REEP1: variants seen among roughly 807,000 people sequenced by gnomAD.
REEP1 encodes receptor accessory protein 1, also known as receptor expression-enhancing protein 1.
In REEP1, 22 loss-of-function variants were observed where a neutral mutation model predicts 40.3. The observed-to-expected ratio is 0.55, with a 90% CI of 0.39 to 0.78. The LOEUF (loss-of-function observed/expected upper bound fraction) is 0.78, where lower values mean the gene tolerates loss of function less well. Among genes scored for constraint, REEP1 ranks in the 30% least tolerant of loss-of-function variants. The pLI is 0.00. For synonymous variants in REEP1, 116 were observed against 139.2 expected, an observed-to-expected ratio of 0.83 and a Z score of 1.17; for missense variants, 280 against 361.1, an observed-to-expected ratio of 0.78 and a Z score of 1.82.
intron 1 of REEP1, among the ~76,000 whole-genome samples, chr2:86,312,693 T>C (rs888109098): frequency 1.3e-5 from 2 of 152,222 alleles, no homozygotes; most frequent in Non-Finnish European, 2.9e-5. Context: ...CTCTGATTGC[T>C]TATCTGTAAA....
At chr2:86,318,378 T>C (rs1311614694) in intron 1 of REEP1, among the ~76,000 whole-genome samples, 1 of 145,308 alleles carries the variant, frequency 6.9e-6, no homozygotes, top group Non-Finnish European at 1.5e-5. Context: ...CTGGAAAAAG[T>C]AGTTTTCTTT....
At chr2:86,217,684 T>TTTTC (rs1553456158) in intron 8 of REEP1, among the ~76,000 whole-genome samples, 1 of 127,788 alleles carries the variant, frequency 7.8e-6, no homozygotes, top group South Asian at 2.6e-4. Flanking sequence ...TTTTTTTTTT[T>TTTTC]CAGATTTTGG....
intron 1 of REEP1, among the ~76,000 whole-genome samples, chr2:86,316,541 T>C (rs1159680233): frequency 1.1e-5 from 1 of 93,710 alleles, no homozygotes; most frequent in African/African-American, 5.0e-5. Flanking sequence ...AGAACGAAAC[T>C]CTGTCTCAAA....
At position 86,245,986 on chromosome 2, in the gene REEP1, G is replaced by T. The variant is rs559518734; in HGVS notation, c.417+5971C>A. ...TCACCATGTTAGCCAGGATGGTCTCGATCTCCTGACCTCGTGATCCGCCCG... is the reference window on the plus strand; with the variant it reads ...TCACCATGTTAGCCAGGATGGTCTCTATCTCCTGACCTCGTGATCCGCCCG... On this transcript the variant is annotated intron_variant, in intron 5 of 8. Transcript: ENST00000538924. Among the ~76,000 whole-genome samples the T allele has an allele frequency of 2.6e-5, 4 of 152,074 alleles. No individual in the cohort carries two copies. In the East Asian group the frequency reaches 7.7e-4, roughly 29 times the overall value.
chr2:86,300,036 G>A (rs1488656593), intron 1 of REEP1, among the ~76,000 whole-genome samples: 1 of 152,144 alleles, frequency 6.6e-6, no homozygotes, highest in African/African-American at 2.4e-5. Context: ...GGGACCATGA[G>A]AGCCATCTTG....
intron 1 of REEP1, among the ~76,000 whole-genome samples, chr2:86,292,856 C>T (rs1678797242): frequency 6.6e-6 from 1 of 152,160 alleles, no homozygotes; most frequent in African/African-American, 2.4e-5. Context: ...ACAGCAGGTA[C>T]TGATGTCCTC....
At chr2:86,299,721 C>T (rs1679172720) in intron 1 of REEP1, among the ~76,000 whole-genome samples, 1 of 152,148 alleles carries the variant, frequency 6.6e-6, no homozygotes, top group African/African-American at 2.4e-5. Flanking sequence ...TTATTGGCTA[C>T]TAATAAAGTA....
chr2:86,238,532 G>T (rs1459533328), intron 5 of REEP1, among the ~76,000 whole-genome samples: 3 of 152,206 alleles, frequency 2.0e-5, no homozygotes, highest in Non-Finnish European at 4.4e-5. Flanking sequence ...ATGAATGAAC[G>T]TATGACCATT....
intron 1 of REEP1, among the ~76,000 whole-genome samples, chr2:86,303,904 A>G (rs908997446): frequency 5.9e-5 from 9 of 152,196 alleles, no homozygotes; most frequent in Admixed American, 5.9e-4. Context: ...TCACCCCCAG[A>G]GCACATCTGA....
chr2:86,250,131 T>C (rs560223988), intron 5 of REEP1, among the ~76,000 whole-genome samples: 62 of 152,262 alleles, frequency 4.1e-4, no homozygotes, highest in Middle Eastern at 6.8e-3. Context: ...GCCAGGATGA[T>C]AGGAAGACTC....
At chr2:86,266,511 C>T (rs1032632619) in intron 2 of REEP1, among the ~76,000 whole-genome samples, 15 of 150,664 alleles carry the variant, frequency 1.0e-4, no homozygotes, top group African/African-American at 3.4e-4. Flanking sequence ...CCCAGCTACT[C>T]GGGAGGCTGA....
At chr2:86,272,551 C>A (rs1033938567) in intron 2 of REEP1, among the ~76,000 whole-genome samples, 2 of 152,208 alleles carry the variant, frequency 1.3e-5, no homozygotes, top group African/African-American at 4.8e-5. Flanking sequence ...TTCATTTCCT[C>A]CCTAGAGCTC....
intron 5 of REEP1, among the ~76,000 whole-genome samples, chr2:86,250,911 T>A (rs929227471): frequency 1.2e-4 from 19 of 152,166 alleles, no homozygotes; most frequent in African/African-American, 4.3e-4. Context: ...GCACCCTCCA[T>A]CCTGCCATCC....
chr2:86,287,935 T>C (rs1372025649), intron 1 of REEP1, among the ~76,000 whole-genome samples: 1 of 152,254 alleles, frequency 6.6e-6, no homozygotes, highest in African/African-American at 2.4e-5. Flanking sequence ...TCCACTGTGA[T>C]ATGTTTTTTC....
intron 1 of REEP1, among the ~76,000 whole-genome samples, chr2:86,295,379 C>A (rs1035357860): frequency 6.6e-6 from 1 of 152,198 alleles, no homozygotes; most frequent in Non-Finnish European, 1.5e-5. Flanking sequence ...GCAATACAGA[C>A]CCTGTGTAAG....
chr2:86,304,931 G>A (rs990047182), intron 1 of REEP1, among the ~76,000 whole-genome samples: 1 of 152,188 alleles, frequency 6.6e-6, no homozygotes, highest in Non-Finnish European at 1.5e-5. Context: ...GAAGAGAGAC[G>A]GATGTCTCCA....
intron 3 of REEP1, among the ~76,000 whole-genome samples, chr2:86,263,213 A>T (rs184640670): frequency 6.6e-6 from 1 of 152,280 alleles, no homozygotes; most frequent in Non-Finnish European, 1.5e-5. Context: ...ACACACACAC[A>T]TATATTAGTT....
chr2:86,278,728 G>A (rs144607566), intron 2 of REEP1, among the ~76,000 whole-genome samples: 3 of 152,166 alleles, frequency 2.0e-5, no homozygotes, highest in Non-Finnish European at 4.4e-5. Context: ...AGCACAAGCA[G>A]CCAGTGCCCA....
intron 1 of REEP1, among the ~76,000 whole-genome samples, chr2:86,335,632 C>T (rs1441717735): frequency 6.6e-6 from 1 of 152,138 alleles, no homozygotes; most frequent in African/African-American, 2.4e-5. Context: ...GGGCGGATCA[C>T]TAGGTCAGGA....
Sources: gnomAD v4.1 joint callset for allele counts (sites outside exome capture counted in the v4.1 genomes callset) on GRCh38, gnomAD v4.1.1 for gene constraint, MANE v1.5 for transcripts, NCBI Gene and HGNC (gene_info 2026-07-23, HGNC 2026-07-21) for gene names.